The following MGST1 variants were observed in gnomAD, a reference collection of about 807,000 sequenced individuals.
MGST1 encodes glutathione S-transferase 12.
MGST1 carries 5 observed loss-of-function variants against 8.9 expected under a neutral mutation model. The ratio of observed to expected loss-of-function variants is 0.56; its 90% CI spans 0.29 to 1.19. MGST1 has a LOEUF of 1.19. Among genes scored for constraint, MGST1 ranks in the 50% most tolerant of loss-of-function variants. The probability of loss-of-function intolerance (pLI) is 0.08; values close to 1 mark genes in which losing one functional copy is unlikely to be tolerated. For synonymous variants in MGST1, 54 were observed against 67.8 expected (o/e 0.80, Z 1.00); for missense variants, 182 against 187.4 (o/e 0.97, Z 0.17).
rs1484396003 is a variant in MGST1, at chr12:16,410,985, TC to T, written n.779-26400del. The stretch of plus-strand genomic sequence containing the variant: ...GACATGGAACCTTTGAATGTACCTT[TC>T]CCTCTGCCTGCAATGCTATGCTTCC... On this transcript the variant is annotated intron_variant and non_coding_transcript_variant, in intron 1 of 1. Coordinates refer to the MGST1 transcript ENST00000359720. This position sits in a 1 kb window ranked among gnomAD's most constrained non-coding sequence, Gnocchi z 4.4. Among the ~76,000 whole-genome samples the T allele has an allele frequency of 6.6e-6, 1 of 152,154 alleles. No homozygotes were observed. The highest frequency in any genetic ancestry group is 1.5e-5 in the Non-Finnish European group (1 of 68,046).
rs1942143194 is a variant in MGST1 at position 16,555,028 on chromosome 12, A to G, written n.483-34500A>G. Among the ~76,000 whole-genome samples the G allele has an allele frequency of 6.6e-6, 1 of 152,182 alleles. No homozygotes were observed. The highest frequency in any genetic ancestry group is 2.4e-5 in the African/African-American group (1 of 41,444). On this transcript the variant is annotated intron_variant and non_coding_transcript_variant, in intron 4 of 4. Transcript: ENST00000538857. The surrounding 1 kb of genome is among the most constrained non-coding windows in gnomAD (Gnocchi z 5.5). ...CTTGGGCAAGTTACTTACATTTCCTATACTTTACTTTCCTCATCTGTCAAA... is the reference window on the plus strand; with the variant it reads ...CTTGGGCAAGTTACTTACATTTCCTGTACTTTACTTTCCTCATCTGTCAAA...
At chr12:16,385,256 A>G (rs767559694) in intron 1 of MGST1, among the ~76,000 whole-genome samples, 12 of 152,250 alleles carry the variant, frequency 7.9e-5, no homozygotes, top group Non-Finnish European at 1.3e-4. Flanking sequence ...AGAAATTTTA[A>G]TAAGAAATAG....
At position 16,585,700 on chromosome 12, in the gene MGST1, T is replaced by G. The variant is rs1382289299; in HGVS notation, n.483-3828T>G. ...TGTCAAAACTAATCCTCAGGTGATG[T>G]AAGCAGCTCCAAATATAATAATAGA... On this transcript the variant is annotated intron_variant and non_coding_transcript_variant, in intron 4 of 4. Coordinates refer to the MGST1 transcript ENST00000538857. This position sits in a 1 kb window ranked among gnomAD's most constrained non-coding sequence, Gnocchi z 4.7. Among the ~76,000 whole-genome samples the G allele has an allele frequency of 1.3e-5, 2 of 152,208 alleles. No individual in the cohort carries two copies. Among genetic ancestry groups the G allele is most frequent in the Non-Finnish European group, 2.9e-5 (2 of 68,032 alleles).
intron 4 of MGST1, among the ~76,000 whole-genome samples, chr12:16,494,528 G>A (rs1941458250): frequency 6.6e-6 from 1 of 152,100 alleles, no homozygotes; most frequent in South Asian, 2.1e-4. Flanking sequence ...TCTTTGCAAG[G>A]ATATTGACAA....
At chr12:16,383,668 T>G (rs2137044090) in intron 1 of MGST1, 1 of 152,242 alleles carries the variant, frequency 6.6e-6, no homozygotes, top group East Asian at 1.9e-4. Context: ...TCAATGCTGG[T>G]CAGGCTGGTC....
chr12:16,414,297 T>G (rs1940766520), intron 1 of MGST1, among the ~76,000 whole-genome samples: 3 of 151,524 alleles, frequency 2.0e-5, no homozygotes, highest in Admixed American at 6.6e-5. Flanking sequence ...AACCATTTAT[T>G]AAGTTCAAAC....
chr12:16,400,686 C>G, intron 1 of MGST1: 1 of 1,493,930 alleles, frequency 6.7e-7, no homozygotes, highest in Non-Finnish European at 9.3e-7. Context: ...TCATTCCTGC[C>G]CAGAGCACTG....
At chr12:16,470,233 A>G (rs758337159) in intron 4 of MGST1, among the ~76,000 whole-genome samples, 7 of 152,212 alleles carry the variant, frequency 4.6e-5, no homozygotes, top group Non-Finnish European at 8.8e-5. Flanking sequence ...GCTAATAGCT[A>G]TGTTTCAGTT....
chr12:16,474,943 A>G (rs1452172419), intron 4 of MGST1, among the ~76,000 whole-genome samples: 1 of 152,232 alleles, frequency 6.6e-6, no homozygotes, highest in African/African-American at 2.4e-5. Context: ...GGGAGTCAAT[A>G]TACCACTCAG....
rs987181010 is a variant in MGST1, at chr12:16,401,344, A to G, written n.778+17740A>G. On this transcript the variant is annotated intron_variant and non_coding_transcript_variant, in intron 1 of 1. Transcript: ENST00000359720. This position sits in a 1 kb window ranked among gnomAD's most constrained non-coding sequence, Gnocchi z 4.3. ...TTGATTTTTACTATTGATTACTAGGAAGCTTTCATGGAATTCAATTCCCAC... is the reference window on the plus strand; with the variant it reads ...TTGATTTTTACTATTGATTACTAGGGAGCTTTCATGGAATTCAATTCCCAC... 2 of 1,323,392 alleles carry G rather than the reference A, an allele frequency of 1.5e-6. No individual in the cohort carries two copies. Among genetic ancestry groups the G allele is most frequent in the South Asian group, 1.2e-5 (1 of 85,272 alleles). 82.0% of individuals were successfully genotyped at this position (1,323,392 alleles called of 1,614,324 possible).
intron 4 of MGST1, among the ~76,000 whole-genome samples, chr12:16,535,344 C>T (rs1941749383): frequency 6.6e-6 from 1 of 152,098 alleles, no homozygotes; most frequent in African/African-American, 2.4e-5. Flanking sequence ...AGCTGGCTGA[C>T]AAAAGACAGA....
chr12:16,377,984 G>A (rs1246322019), downstream of MGST1, among the ~76,000 whole-genome samples: 1 of 151,550 alleles, frequency 6.6e-6, no homozygotes, highest in Non-Finnish European at 1.5e-5. Context: ...CCCACTTTTT[G>A]ATGGGGTTGT....
Position 16,410,430 on chromosome 12 carries a change from CTG to C in MGST1, n.778+26830_778+26831del, listed in dbSNP as rs1940732653. On this transcript the variant is annotated intron_variant and non_coding_transcript_variant, in intron 1 of 1. Coordinates refer to the MGST1 transcript ENST00000359720. This position sits in a 1 kb window ranked among gnomAD's most constrained non-coding sequence, Gnocchi z 4.4. ...CACCCGAATTGCTGCAATAGCCCGT[CTG>C]TGTTTTCTAAATCTGCAAATATGAT... Among the ~76,000 whole-genome samples the C allele has an allele frequency of 6.6e-6, 1 of 152,020 alleles. No individual in the cohort carries two copies. The highest frequency in any genetic ancestry group is 2.4e-5 in the African/African-American group (1 of 41,500).
At chr12:16,574,170 G>A (rs906479898) in intron 4 of MGST1, among the ~76,000 whole-genome samples, 6 of 152,018 alleles carry the variant, frequency 3.9e-5, no homozygotes, top group Non-Finnish European at 7.4e-5. Context: ...GTAAGTTAGA[G>A]GAAGACAGTA....
At chr12:16,427,960 C>T (rs768687073) in intron 1 of MGST1, among the ~76,000 whole-genome samples, 1 of 151,798 alleles carries the variant, frequency 6.6e-6, no homozygotes, top group Non-Finnish European at 1.5e-5. Context: ...TCTCTTGAGG[C>T]ATTATACATT....
At chr12:16,528,228 G>T (rs1941701193) in intron 4 of MGST1, among the ~76,000 whole-genome samples, 1 of 151,974 alleles carries the variant, frequency 6.6e-6, no homozygotes, top group African/African-American at 2.4e-5. Flanking sequence ...TTCACTGACT[G>T]CATTGCCTGG....
intron 3 of MGST1, chr12:16,376,111 T>C: frequency 7.7e-7 from 1 of 1,302,454 alleles, no homozygotes; most frequent in Non-Finnish European, 1.0e-6. Context: ...TATTTTTTTT[T>C]AATTGTTTAG....
intron 1 of MGST1, among the ~76,000 whole-genome samples, chr12:16,348,575 A>AC (rs879442838): frequency 6.6e-6 from 1 of 151,982 alleles, no homozygotes; most frequent in Non-Finnish European, 1.5e-5. Flanking sequence ...CTAATTTCTT[A>AC]CCCAGTGAGT....
Position 16,408,030 on chromosome 12 carries a change from C to CAAAAAAAAAA in MGST1, n.778+24445_778+24454dup, listed in dbSNP as rs200073692. Among the ~76,000 whole-genome samples, 9 of 44,100 alleles carry CAAAAAAAAAA rather than the reference C, an allele frequency of 2.0e-4. 1 individual carries two copies. The highest frequency in any genetic ancestry group is 1.4e-3 in the East Asian group (3 of 2,088). 28.9% of individuals were successfully genotyped at this position (44,100 alleles called of 152,430 possible). A position where few individuals can be genotyped will look rare whatever the true frequency, so the allele number is the denominator to read the frequency against. On this transcript the variant is annotated intron_variant and non_coding_transcript_variant, in intron 1 of 1. Coordinates refer to the MGST1 transcript ENST00000359720. ...CTGGCAACAGAGCAAGACTCTGTCT[C>CAAAAAAAAAA]AAAAAAAAAAAAAAAAAAAAAAAAA...
Sources: gnomAD v4.1 joint callset for allele counts (sites outside exome capture counted in the v4.1 genomes callset) on GRCh38, gnomAD v4.1.1 for gene constraint, Gnocchi (gnomAD v3.1) non-coding constraint, MANE v1.5 for transcripts, NCBI Gene and HGNC (gene_info 2026-07-23, HGNC 2026-07-21) for gene names.